The following KRTCAP3 variants were observed in gnomAD, a reference collection of about 807,000 sequenced individuals.
The protein encoded by KRTCAP3 is keratinocyte associated protein 3.
A neutral mutation model predicts 20.5 loss-of-function variants in KRTCAP3; 18 were observed. The ratio of observed to expected loss-of-function variants is 0.88; its 90% confidence interval spans 0.61 to 1.31. KRTCAP3 has a LOEUF of 1.31. KRTCAP3 is among the 50% of genes most tolerant of loss of function. The pLI, the probability that KRTCAP3 is intolerant of heterozygous loss-of-function variation, is 0.00. For synonymous variants in KRTCAP3, 167 were observed against 133.7 expected, an observed-to-expected ratio of 1.25 and a Z score of -1.72; for missense variants, 347 against 310.4, an observed-to-expected ratio of 1.12 and a Z score of -0.89.
rs759373614 is a variant in KRTCAP3, at chr2:27,443,491, C to T, written c.574C>T (p.Arg192Cys). Residue 192 changes from arginine (R) to cysteine (C), a missense_variant, in exon 5 of 7, where the codon CGT (arginine) becomes TGT (cysteine). Coordinates refer to ENST00000288873, the MANE Select transcript of KRTCAP3 (RefSeq NM_173853.4). ...CTGCTGTGTGGCTGCACTCACTCTA[C>T]GTGGAGTTGGGCCCTGCAGGAAGGA... Reference protein sequence around the residue: ...GYCCVAALTLRGVGPCRKDGL... With the variant: ...GYCCVAALTLCGVGPCRKDGL... The T allele has an allele frequency of 3.1e-6, 5 of 1,614,052 alleles. No individual in the cohort carries two copies. The highest frequency in any genetic ancestry group is 1.1e-5 in the South Asian group (1 of 91,080).
chr2:27,444,428 C>T (rs779876638), downstream of KRTCAP3: 3 of 1,600,288 alleles, frequency 1.9e-6, no homozygotes, highest in Non-Finnish European at 2.6e-6. Flanking sequence ...CTCAGCTCTA[C>T]CAACTACTGA....
downstream of KRTCAP3, chr2:27,445,428 G>T (rs760097703): frequency 6.2e-7 from 1 of 1,611,236 alleles, no homozygotes; most frequent in Non-Finnish European, 8.5e-7. This position sits in a 1 kb window ranked among gnomAD's most constrained non-coding sequence, Gnocchi z 4.4. Flanking sequence ...ACCCAGTCTC[G>T]AACCTCTTCT....
Position 27,442,402 on chromosome 2 carries a change from C to T in KRTCAP3, c.-11C>T. On this transcript the variant is annotated 5_prime_UTR_variant, in exon 1 of 7. Coordinates refer to ENST00000288873, the MANE Select transcript of KRTCAP3 (RefSeq NM_173853.4). ...AGGTACAGCGGCCCTGCGGCTGGCG[C>T]GGCGGACGGGATGAGGCGCTGCAGT... The T allele has an allele frequency of 2.6e-6, 4 of 1,552,160 alleles. No homozygotes were observed. Among genetic ancestry groups the T allele is most frequent in the Non-Finnish European group, 2.6e-6 (3 of 1,149,574 alleles).
Position 27,442,779 on chromosome 2 carries a change from G to C in KRTCAP3, c.213+16G>C. On this transcript the variant is annotated intron_variant, in intron 2 of 6. Transcript: ENST00000288873. ...GGGGCTGCTGGTGAGCGCGGCAGGC[G>C]ACCCGGGCGGGGGCCGGGCTCCCGG... is the stretch of plus-strand genomic sequence containing the variant. 6.2e-7 allele frequency: 1 copy of C among 1,610,832 alleles called. No homozygotes were observed.
At position 27,443,382 on chromosome 2, in the gene KRTCAP3, CCTT is replaced by C. The variant is rs1664740291; in HGVS notation, c.481-12_481-10del. ...TGCCCTACTCCCTCCTACTCCCCAT[CCTT>C]CTTGCTTTTCAGGATACAGCCTTGG... On this transcript the variant is annotated splice_polypyrimidine_tract_variant and intron_variant, in intron 4 of 6. Transcript: ENST00000288873. 1.9e-6 allele frequency: 3 copies of C among 1,614,038 alleles called. No individual in the cohort carries two copies. Among genetic ancestry groups the C allele is most frequent in the East Asian group, 2.2e-5 (1 of 44,898 alleles).
rs1259764681 is a variant in KRTCAP3, at chr2:27,442,630, T to G, written c.80T>G (p.Leu27Trp). The G allele has an allele frequency of 6.4e-7, 1 of 1,571,910 alleles. No homozygotes were observed. The highest frequency in any genetic ancestry group is 8.6e-7 in the Non-Finnish European group (1 of 1,159,868). ...RLMRVGLALI[L>W]VGHVNLLLGA... ...ATGCGTGTGGGCCTCGCGCTGATCT[T>G]GGTGGGCCACGTGAACCTGCTGCTG... The change falls in exon 2 of 7, where the codon TTG (leucine) becomes TGG (tryptophan). Residue 27 changes from leucine to tryptophan, a missense_variant. By Grantham distance (61) the Leu-to-Trp change is moderately conservative. Transcript: ENST00000288873.
At chr2:27,446,437 G>T, downstream of KRTCAP3, 1 of 1,215,732 alleles carries the variant, frequency 8.2e-7, no homozygotes, top group Non-Finnish European at 1.2e-6. Context: ...GGCAGCCACA[G>T]AACTAAAAAA....
At chr2:27,444,642 GT>G (rs1489455329), downstream of KRTCAP3, 2 of 714,116 alleles carry the variant, frequency 2.8e-6, no homozygotes, top group African/African-American at 6.5e-5. Flanking sequence ...TTTCTAGTGT[GT>G]ATGTGGGTTT....
chr2:27,442,970 T>G, intron 3 of KRTCAP3, 69 bp downstream of exon 3: 1 of 1,591,892 alleles, frequency 6.3e-7, no homozygotes, highest in Non-Finnish European at 8.6e-7. Context: ...TGACTGAGCT[T>G]GGTCTTTCAA....
chr2:27,443,196 C>T lies in KRTCAP3; in HGVS notation c.396C>T (p.Cys132=), dbSNP rs768049030. The change falls in exon 4 of 7, where the codon TGC becomes TGT. Residue 132 remains cysteine, a synonymous_variant. Transcript: ENST00000288873. ...GTGGCCGCCGCCTTATTGCTGACTG[C>T]CACCCAGGACTGCTGGATCCTCTGG... ...ANGGRRLIAD[C]HPGLLDPLVP... 1 of 1,614,072 alleles carries T rather than the reference C, an allele frequency of 6.2e-7. No individual in the cohort carries two copies. Among genetic ancestry groups the T allele is most frequent in the Non-Finnish European group, 8.5e-7 (1 of 1,179,956 alleles).
intron 1 of KRTCAP3, 43 bp from the exon 2 acceptor site, chr2:27,442,536 C>T (rs1664665083): frequency 2.0e-6 from 3 of 1,534,674 alleles, no homozygotes; most frequent in South Asian, 2.5e-5. Flanking sequence ...CCGCCTCTCC[C>T]CTCCCCGCCC....
At chr2:27,442,930 C>A in intron 3 of KRTCAP3, 29 bp downstream of exon 3, 1 of 1,611,950 alleles carries the variant, frequency 6.2e-7, no homozygotes, top group Non-Finnish European at 8.5e-7. Context: ...GAGCTTTTAA[C>A]GAGTAGGCTT....
chr2:27,442,685 G>A lies in KRTCAP3; in HGVS notation c.135G>A (p.Arg45=). ...LGAVLHGTVL[R]HVANPRGAVT... is the part of the protein sequence containing the mutation. Reference sequence around the variant, plus strand: ...CCGTGCTGCATGGCACCGTCCTGCGGCACGTGGCCAATCCCCGCGGCGCTG... The same window carrying A: ...CCGTGCTGCATGGCACCGTCCTGCGACACGTGGCCAATCCCCGCGGCGCTG... Residue 45 remains arginine, a synonymous_variant, in exon 2 of 7, where the codon CGG becomes CGA. Transcript: ENST00000288873. The A allele has an allele frequency of 6.3e-7, 1 of 1,587,294 alleles. No individual in the cohort carries two copies. Among genetic ancestry groups the A allele is most frequent in the South Asian group, 1.1e-5 (1 of 87,452 alleles).
intron 2 of KRTCAP3, 22 bp downstream of exon 2, chr2:27,442,785 GGCGGGGGCCGGGCTCCC>G: frequency 6.2e-7 from 1 of 1,611,196 alleles, no homozygotes; most frequent in East Asian, 2.2e-5. Context: ...AGGCGACCCG[GGCGGGGGCCGGGCTCCC>G]GGAGAGCCCA....
At chr2:27,446,130 C>T, downstream of KRTCAP3, 1 of 1,323,888 alleles carries the variant, frequency 7.6e-7, no homozygotes, top group South Asian at 1.2e-5. Context: ...TCCAGGAAGA[C>T]ATAGGAGGAC....
At chr2:27,444,664 T>TGTTC, downstream of KRTCAP3, 1 of 704,124 alleles carries the variant, frequency 1.4e-6, no homozygotes, top group Non-Finnish European at 2.4e-6. Flanking sequence ...TTTGTTTGTT[T>TGTTC]TGAGACAAAG....
At chr2:27,442,510 G>A in intron 1 of KRTCAP3, 69 bp from the exon 2 acceptor site, 1 of 1,528,582 alleles carries the variant, frequency 6.5e-7, no homozygotes, top group Admixed American at 2.0e-5. Context: ...ACTGCCCGCG[G>A]TTAACCCGCC....
At chr2:27,446,188 G>T (rs1665078808), downstream of KRTCAP3, 7 of 1,472,044 alleles carry the variant, frequency 4.8e-6, 1 homozygote, top group Non-Finnish European at 6.6e-6. Flanking sequence ...CTCTACCAGA[G>T]CAGAAGGGAT....
At position 27,443,184 on chromosome 2, in the gene KRTCAP3, T is replaced by TA. The variant is rs768065295; in HGVS notation, c.385dup (p.Ile129AsnfsTer3). ...CTGTGGCCAACGGTGGCCGCCGCCTTATTGCTGACTGCCACCCAGGACTGC... is the reference window on the plus strand; with the variant it reads ...CTGTGGCCAACGGTGGCCGCCGCCTTAATTGCTGACTGCCACCCAGGACTGC... On this transcript the variant is annotated frameshift_variant, in exon 4 of 7. Coordinates refer to ENST00000288873, the MANE Select transcript of KRTCAP3 (RefSeq NM_173853.4). LOFTEE classifies it high-confidence loss of function. 2.5e-6 allele frequency: 4 copies of TA among 1,613,948 alleles called. No individual in the cohort carries two copies. Among genetic ancestry groups the TA allele is most frequent in the Non-Finnish European group, 3.4e-6 (4 of 1,179,948 alleles).
Sources: allele counts gnomAD v4.1 joint callset, GRCh38; gene constraint gnomAD v4.1.1; non-coding constraint Gnocchi (gnomAD v3.1); transcripts MANE v1.5; gene names NCBI Gene and HGNC (gene_info 2026-07-23, HGNC 2026-07-21).